The following ADGRF1 variants were observed in gnomAD, a reference collection of about 807,000 sequenced individuals.
ADGRF1 encodes the protein G protein-coupled receptor 110.
Under a neutral mutation model 87.2 loss-of-function variants are expected in ADGRF1, and 85 were observed. That is an observed-to-expected ratio of 0.97 (90% CI 0.82 to 1.17). The LOEUF (loss-of-function observed/expected upper bound fraction) is 1.17. Ranked by LOEUF, ADGRF1 falls within the 50% of genes most tolerant of loss-of-function variation. The pLI is 0.00. For synonymous variants in ADGRF1, 430 were observed against 408.8 expected (o/e 1.05, Z -0.63); for missense variants, 1,169 against 1,077.2 (o/e 1.09, Z -1.19).
chr6:47,024,174 G>A lies in ADGRF1; in HGVS notation c.321C>T (p.Asp107=). ...LNGVLQCTCE[D]SYTWFPPSCL... ...ATGAGGGAGGAAACCAGGTGTAGCTGTCTTCACAGGTACACTGCAGGACTC... is the reference window on the plus strand; with the variant it reads ...ATGAGGGAGGAAACCAGGTGTAGCTATCTTCACAGGTACACTGCAGGACTC... Residue 107 remains aspartate, a synonymous_variant, in exon 5 of 15, where the codon GAC becomes GAT. Transcript: ENST00000371253. 1 of 1,614,084 alleles carries A rather than the reference G, an allele frequency of 6.2e-7. No individual in the cohort carries two copies. Among genetic ancestry groups the A allele is most frequent in the East Asian group, 2.2e-5 (1 of 44,884 alleles).
In ADGRF1 at chr6:47,009,108, TC is replaced by T. The variant is rs768923629; in HGVS notation, c.2326del (p.Glu776LysfsTer3). The T allele has an allele frequency of 1.9e-6, 3 of 1,614,068 alleles. No homozygotes were observed. In the East Asian group the frequency reaches 6.7e-5, roughly 36 times the overall value. Reference protein sequence around the residue: ...LTKLWRPTVGERLSRDDKATI... With the variant: ...LTKLWRPTVGXRLSRDDKATI... Reference sequence around the variant, plus strand: ...GGCCTTGTCATCCCGACTCAGTCTTTCCCCAACAGTCGGCCTCCAGAGCTTT... The same window carrying T: ...GGCCTTGTCATCCCGACTCAGTCTTTCCCAACAGTCGGCCTCCAGAGCTTT... On this transcript the variant is annotated frameshift_variant, in exon 11 of 15. Transcript: ENST00000371253. LOFTEE classifies it high-confidence loss of function.
Position 47,009,135 on chromosome 6 carries a change from G to T in ADGRF1, c.2300C>A (p.Thr767Lys), listed in dbSNP as rs530870280. 2 of 1,614,134 alleles carry T rather than the reference G, an allele frequency of 1.2e-6. No individual in the cohort carries two copies. The highest frequency in any genetic ancestry group is 2.2e-5 in the East Asian group (1 of 44,872). ...VNFVVVLLVL[T>K]KLWRPTVGER... is the part of the protein sequence containing the mutation. ...CCCAACAGTCGGCCTCCAGAGCTTT[G>T]TGAGAACTAGCAGCACCACAACGAA... The change falls in exon 11 of 15, where the codon ACA (threonine) becomes AAA (lysine). Residue 767 changes from threonine to lysine, a missense_variant. Coordinates refer to ENST00000371253, the MANE Select transcript of ADGRF1 (RefSeq NM_153840.4).
Position 47,000,033 on chromosome 6 carries a change from T to C in ADGRF1, c.*189A>G. On this transcript the variant is annotated 3_prime_UTR_variant, in exon 15 of 15. Coordinates refer to ENST00000371253, the MANE Select transcript of ADGRF1 (RefSeq NM_153840.4). ...TTCTTTGAATCAAATCACATGGAAATAAATCTTCTTTTCATTTAATTGAAG... is the reference window on the plus strand; with the variant it reads ...TTCTTTGAATCAAATCACATGGAAACAAATCTTCTTTTCATTTAATTGAAG... The C allele has an allele frequency of 1.9e-6, 1 of 520,714 alleles. No individual in the cohort carries two copies. Among genetic ancestry groups the C allele is most frequent in the Non-Finnish European group, 3.4e-6 (1 of 290,080 alleles). 32.3% of individuals were successfully genotyped at this position (520,714 alleles called of 1,614,324 possible).
chr6:47,020,633 C>A (rs966882800), intron 7 of ADGRF1, 98 bp downstream of exon 7: 20 of 1,582,678 alleles, frequency 1.3e-5, no homozygotes, highest in Middle Eastern at 3.3e-4. Flanking sequence ...GACTTCTGTC[C>A]TGTTTTCTGT....
At chr6:47,026,028 AC>A (rs779316234) in intron 3 of ADGRF1, 25 bp from the exon 4 acceptor site, 1 of 1,543,974 alleles carries the variant, frequency 6.5e-7, no homozygotes, top group Non-Finnish European at 8.7e-7. Context: ...AGAGTCAGAA[AC>A]CTTTTTTTCT....
At chr6:47,014,964 A>C in intron 8 of ADGRF1, 120 bp from the exon 9 acceptor site, 1 of 1,334,076 alleles carries the variant, frequency 7.5e-7, no homozygotes, top group Non-Finnish European at 9.8e-7. Context: ...ATCCAGGCAA[A>C]ATTCAGAAGT....
chr6:47,023,745 G>T (rs1228021424), intron 5 of ADGRF1, among the ~76,000 whole-genome samples: 1 of 152,184 alleles, frequency 6.6e-6, no homozygotes, highest in African/African-American at 2.4e-5. Context: ...TACTCAAGCA[G>T]TTCCTCTTTT....
intron 9 of ADGRF1, 189 bp from the exon 10 acceptor site, chr6:47,012,384 T>C (rs1367637662): frequency 3.1e-6 from 3 of 979,236 alleles, no homozygotes; most frequent in Non-Finnish European, 4.0e-6. Flanking sequence ...ACTAGGTGCT[T>C]TACCAGGGAT....
At chr6:47,034,494 T>A (rs1309884506) in intron 1 of ADGRF1, among the ~76,000 whole-genome samples, 1 of 152,234 alleles carries the variant, frequency 6.6e-6, no homozygotes, top group Non-Finnish European at 1.5e-5. Context: ...CAAAAAGAAT[T>A]ACTTGGCTCA....
At position 47,009,538 on chromosome 6, in the gene ADGRF1, A is replaced by C; in HGVS notation, c.1897T>G (p.Ser633Ala). The change falls in exon 11 of 15, where the codon TCC (serine) becomes GCC (alanine). Residue 633 changes from serine (S) to alanine (A), a missense_variant. Physicochemically the swap from Ser to Ala is moderately conservative, Grantham distance 99. Coordinates refer to ENST00000371253, the MANE Select transcript of ADGRF1 (RefSeq NM_153840.4). ...AACCAGACATCAGCAATCAAGAGGG[A>C]CAGGGCTATGTTCACCATGCAAATA... ...RRICMVNIAL[S>A]LLIADVWFIV... is the part of the protein sequence containing the mutation. The C allele has an allele frequency of 5.6e-6, 9 of 1,614,110 alleles. No homozygotes were observed. Among genetic ancestry groups the C allele is most frequent in the Non-Finnish European group, 7.6e-6 (9 of 1,180,012 alleles).
Position 46,997,802 on chromosome 6 carries a change from T to C in ADGRF1, c.*2420A>G, listed in dbSNP as rs1052121112. On this transcript the variant is annotated 3_prime_UTR_variant, in exon 15 of 15. Transcript: ENST00000371253. ...TAGACAAGCATGCACATACATGATATCTGATCAAACATTTTTTTGTCTCTC... is the reference window on the plus strand; with the variant it reads ...TAGACAAGCATGCACATACATGATACCTGATCAAACATTTTTTTGTCTCTC... The C allele has an allele frequency of 6.7e-6, 1 of 150,048 alleles. No homozygotes were observed. Among genetic ancestry groups the C allele is most frequent in the Non-Finnish European group, 1.5e-5 (1 of 67,938 alleles). 9.3% of individuals were successfully genotyped at this position (150,048 alleles called of 1,614,324 possible). A position where few individuals can be genotyped will look rare whatever the true frequency, so the allele number is the denominator to read the frequency against.
At position 47,001,486 on chromosome 6, in the gene ADGRF1, T is replaced by TATTGTAAC; in HGVS notation, c.2659+14_2659+15insGTTACAAT. On this transcript the variant is annotated intron_variant, in intron 14 of 14. Transcript: ENST00000371253. ...TTTCACACCTTTTATAACCTTTGGT[T>TATTGTAAC]TTATTGTAACTCACCTTTGTTTTGC... 1 of 1,611,398 alleles carries TATTGTAAC rather than the reference T, an allele frequency of 6.2e-7. No homozygotes were observed.
rs985459573 is a variant in ADGRF1, at chr6:47,012,003, A to G, written c.1116+4T>C. ...TGAGCCCTTCAAGCACAGGCAGACC[A>G]TACCTCCATTGTTGAATTGGACACC... On this transcript the variant is annotated splice_donor_region_variant and intron_variant, in intron 10 of 14. Transcript: ENST00000371253. 3.1e-6 allele frequency: 5 copies of G among 1,612,260 alleles called. No homozygotes were observed. The highest frequency in any genetic ancestry group is 4.2e-6 in the Non-Finnish European group (5 of 1,178,466).
intron 9 of ADGRF1, chr6:47,013,263 A>G: frequency 1.0e-6 from 1 of 985,458 alleles, no homozygotes; most frequent in Non-Finnish European, 1.2e-6. Flanking sequence ...GCCACCTGGG[A>G]TCTGCCTGGA....
intron 4 of ADGRF1, among the ~76,000 whole-genome samples, chr6:47,025,502 A>G (rs1780201747): frequency 6.6e-6 from 1 of 152,162 alleles, no homozygotes; most frequent in Admixed American, 6.5e-5. Flanking sequence ...CCTGAAGTTA[A>G]GTGGGGCCAT....
intron 1 of ADGRF1, among the ~76,000 whole-genome samples, chr6:47,036,556 G>T (rs902474195): frequency 4.6e-5 from 7 of 152,106 alleles, no homozygotes; most frequent in Non-Finnish European, 1.0e-4. Context: ...TACATAAATG[G>T]TCAGATTAAA....
chr6:47,006,256 T>C (rs1210790536), intron 12 of ADGRF1, among the ~76,000 whole-genome samples: 1 of 152,220 alleles, frequency 6.6e-6, no homozygotes, highest in Non-Finnish European at 1.5e-5. Flanking sequence ...AGTTTGTTCA[T>C]GTGCAAAATT....
At chr6:47,031,858 C>G (rs929360871) in intron 1 of ADGRF1, among the ~76,000 whole-genome samples, 2 of 152,106 alleles carry the variant, frequency 1.3e-5, no homozygotes, top group African/African-American at 4.8e-5. Flanking sequence ...TGCCGAGTAG[C>G]TGAGACTACA....
intron 7 of ADGRF1, chr6:47,018,277 C>T (rs911338141): frequency 1.4e-6 from 1 of 726,632 alleles, no homozygotes; most frequent in Admixed American, 3.7e-5. Context: ...TTAAGTCAAT[C>T]CTGCAATAAC....
Sources: allele counts gnomAD v4.1 joint callset (sites outside exome capture counted in the v4.1 genomes callset), GRCh38; gene constraint gnomAD v4.1.1; transcripts MANE v1.5; gene names NCBI Gene and HGNC (gene_info 2026-07-23, HGNC 2026-07-21).